The following MRE11 variants were observed in gnomAD, a reference collection of about 807,000 sequenced individuals.
MRE11 encodes MRE11 double strand break repair nuclease.
MRE11 carries 62 observed loss-of-function variants against 91.7 expected under a neutral mutation model. The ratio of observed to expected loss-of-function variants is 0.68; its 90% CI spans 0.55 to 0.84. The LOEUF is 0.84. Among genes scored for constraint, MRE11 ranks in the 40% least tolerant of loss-of-function variants. The pLI is 0.00. For synonymous variants in MRE11, 273 were observed against 271.4 expected, an observed-to-expected ratio of 1.01 and a Z score of -0.06; for missense variants, 796 against 852.9, an observed-to-expected ratio of 0.93 and a Z score of 0.83.
Position 94,451,585 on chromosome 11 carries a change from T to A in MRE11, c.1564-4147A>T, listed in dbSNP as rs115988345. Among the ~76,000 whole-genome samples the A allele has an allele frequency of 5.8e-3, 881 of 152,154 alleles. 5 individuals are homozygous for A. Among genetic ancestry groups the A allele is most frequent in the African/African-American group, 0.019 (799 of 41,512 alleles). The stretch of plus-strand genomic sequence containing the variant: ...GAAAGCAAATAGAGACTCCAGAAGC[T>A]TATGGAAAGACCAATATATCCATTA... On this transcript the variant is annotated intron_variant, in intron 14 of 19. Transcript: ENST00000323929.
At position 94,456,337 on chromosome 11, in the gene MRE11, A is replaced by G; in HGVS notation, c.1502T>C (p.Val501Ala). The G allele has an allele frequency of 4.3e-6, 7 of 1,611,652 alleles. No individual in the cohort carries two copies. The highest frequency in any genetic ancestry group is 5.9e-6 in the Non-Finnish European group (7 of 1,178,110). ...TTGTCTGGTTTCTCTGAAACGACGT[A>G]CCTAGATCATAACAGAGTAAATCAC... Reference protein sequence around the residue: ...DALEDKIDEEVRRFRETRQKN... With the variant: ...DALEDKIDEEARRFRETRQKN... The change falls in exon 14 of 20, where the codon GTA becomes GCA. Residue 501 changes from valine (V) to alanine (A), a missense_variant and splice_region_variant. By Grantham distance (64) the Val-to-Ala change is moderately conservative. Transcript: ENST00000323929.
chr11:94,463,573 C>G (rs930648403), intron 11 of MRE11, among the ~76,000 whole-genome samples: 11 of 152,156 alleles, frequency 7.2e-5, no homozygotes. Flanking sequence ...AAATGTGGCA[C>G]ATATACACTA....
At chr11:94,474,968 T>C (rs1229651173) in intron 7 of MRE11, among the ~76,000 whole-genome samples, 1 of 152,178 alleles carries the variant, frequency 6.6e-6, no homozygotes, top group Non-Finnish European at 1.5e-5. Context: ...CACACATATC[T>C]AAACTCTGGC....
chr11:94,423,719 G>A (rs1290390872), intron 19 of MRE11, among the ~76,000 whole-genome samples: 2 of 152,246 alleles, frequency 1.3e-5, no homozygotes, highest in African/African-American at 4.8e-5. Flanking sequence ...CTGGCAGCCT[G>A]GGAGCATTTC....
rs1300387008 is a variant in MRE11 at position 94,478,770 on chromosome 11, T to C, written c.509A>G (p.Gln170Arg). 1.1e-5 allele frequency: 18 copies of C among 1,613,226 alleles called. No homozygotes were observed. In the South Asian group the frequency reaches 1.8e-4, roughly 16 times the overall value. ...TAGCGCAATCTTTGTGCTTCCTTTT[T>C]GAAGCAAAACCGGACTAATGTCTAT... ...EKIDISPVLL[Q>R]KGSTKIALYG... Residue 170 changes from glutamine to arginine, a missense_variant, in exon 6 of 20, where the codon CAA becomes CGA. Physicochemically the swap from Gln to Arg is conservative, Grantham distance 43. Transcript: ENST00000323929.
intron 16 of MRE11, among the ~76,000 whole-genome samples, chr11:94,437,829 G>C (rs372577582): frequency 6.6e-6 from 1 of 151,704 alleles, no homozygotes; most frequent in Non-Finnish European, 1.5e-5. Flanking sequence ...CCTTGACATC[G>C]AAACCTACAA....
At position 94,447,277 on chromosome 11, in the gene MRE11, ACCTCTTCCTCGG is replaced by A; in HGVS notation, c.1713_1724del (p.Gly573_Arg576del). The A allele has an allele frequency of 1.2e-6, 2 of 1,613,612 alleles. No individual in the cohort carries two copies. Among genetic ancestry groups the A allele is most frequent in the Non-Finnish European group, 1.7e-6 (2 of 1,179,912 alleles). ...AATTCTGCCCTCTTCCACCTCTTCGACCTCTTCCTCGGCCTCTTCCTTTGTTGGTTGCTGCTG... is the reference window on the plus strand; with the variant it reads ...AATTCTGCCCTCTTCCACCTCTTCGACCTCTTCCTTTGTTGGTTGCTGCTG... On this transcript the variant is annotated inframe_deletion, in exon 15 of 20. Coordinates refer to ENST00000323929, the MANE Select transcript of MRE11 (RefSeq NM_005591.4).
At chr11:94,437,813 C>A (rs1945663542) in intron 16 of MRE11, among the ~76,000 whole-genome samples, 1 of 152,080 alleles carries the variant, frequency 6.6e-6, no homozygotes, top group Admixed American at 6.5e-5. Context: ...CTTTCCCTTT[C>A]TTTTTCCTTG....
chr11:94,453,448 G>A (rs1946167053), intron 14 of MRE11, among the ~76,000 whole-genome samples: 1 of 152,120 alleles, frequency 6.6e-6, no homozygotes, highest in African/African-American at 2.4e-5. Context: ...AATGTATATG[G>A]TTCTAATTTC....
intron 19 of MRE11, among the ~76,000 whole-genome samples, chr11:94,421,107 T>C (rs1439727077): frequency 6.6e-6 from 1 of 152,018 alleles, no homozygotes; most frequent in Non-Finnish European, 1.5e-5. Context: ...GAATATCAGA[T>C]ATTAACTAAT....
chr11:94,507,605 T>A, the MRE11 span, among the ~76,000 whole-genome samples: 2 of 152,234 alleles, frequency 1.3e-5, no homozygotes, highest in East Asian at 3.9e-4. Context: ...ACGTTCCGAT[T>A]GCTCCACACG....
the MRE11 span, among the ~76,000 whole-genome samples, chr11:94,502,158 C>G: frequency 6.6e-6 from 1 of 152,202 alleles, no homozygotes; most frequent in Non-Finnish European, 1.5e-5. Context: ...CTGAGATAAT[C>G]ATTGTATAAA....
rs938601588 is a variant in MRE11, at chr11:94,418,479, C to T, written c.*1646G>A. ...TCCCTCACTATAACTCTCACCCAGA[C>T]CCACCTAACTGATGCATGAGAAGAG... is the stretch of plus-strand genomic sequence containing the variant. On this transcript the variant is annotated 3_prime_UTR_variant, in exon 20 of 20. Transcript: ENST00000323929. 4.3e-6 allele frequency: 1 copy of T among 232,310 alleles called. No homozygotes were observed. The highest frequency in any genetic ancestry group is 8.5e-6 in the Non-Finnish European group (1 of 117,560). The allele number at this position is 232,310 out of a possible 1,614,324, so 14.4% of individuals were successfully genotyped here.
chr11:94,418,156 A>G lies in MRE11; in HGVS notation c.*1969T>C, dbSNP rs1945075222. ...CAACAGATTTTGCAGGATCAATATA[A>G]AATATTAAGGATATATAGCACATTT... On this transcript the variant is annotated 3_prime_UTR_variant, in exon 20 of 20. Transcript: ENST00000323929. 8.6e-6 allele frequency: 2 copies of G among 232,994 alleles called. No homozygotes were observed. The highest frequency in any genetic ancestry group is 1.1e-4 in the Admixed American group (2 of 17,784). 14.4% of individuals were successfully genotyped at this position (232,994 alleles called of 1,614,324 possible). A position where few individuals can be genotyped will look rare whatever the true frequency, so the allele number is the denominator to read the frequency against.
intron 16 of MRE11, among the ~76,000 whole-genome samples, chr11:94,440,440 A>AC (rs1945746778): frequency 6.6e-6 from 1 of 151,958 alleles, no homozygotes; most frequent in Non-Finnish European, 1.5e-5. Flanking sequence ...TAAAAAAAAA[A>AC]AAAAATTCTC....
intron 19 of MRE11, among the ~76,000 whole-genome samples, chr11:94,424,470 T>G (rs1187509222): frequency 6.6e-6 from 1 of 152,166 alleles, no homozygotes; most frequent in East Asian, 1.9e-4. Flanking sequence ...TACCTCCAAA[T>G]GAGCCTGCTA....
the MRE11 span, among the ~76,000 whole-genome samples, chr11:94,509,253 C>G: frequency 6.6e-6 from 1 of 152,026 alleles, no homozygotes; most frequent in Admixed American, 6.5e-5. Context: ...GGAGTTCTCT[C>G]TTTTTAAAGA....
intron 7 of MRE11, among the ~76,000 whole-genome samples, chr11:94,474,734 T>C (rs1449623152): frequency 6.6e-6 from 1 of 152,124 alleles, no homozygotes; most frequent in Non-Finnish European, 1.5e-5. Context: ...AATCAAATGA[T>C]GAGGGGGGCA....
chr11:94,433,761 T>G (rs1945526092), intron 18 of MRE11, among the ~76,000 whole-genome samples: 1 of 152,184 alleles, frequency 6.6e-6, no homozygotes, highest in African/African-American at 2.4e-5. Context: ...CCATTAAACC[T>G]CTTTGTTTTG....
Sources: allele counts gnomAD v4.1 joint callset (sites outside exome capture counted in the v4.1 genomes callset), GRCh38; gene constraint gnomAD v4.1.1; transcripts MANE v1.5; gene names NCBI Gene and HGNC (gene_info 2026-07-23, HGNC 2026-07-21).